Variants in IMMT observed in about 807,000 individuals in gnomAD.
IMMT encodes inner membrane mitochondrial protein, also known as MICOS complex subunit MIC60.
In IMMT, 40 loss-of-function variants were observed where a neutral mutation model predicts 92.7. The observed-to-expected ratio is 0.43, with a 90% confidence interval of 0.34 to 0.56. The LOEUF (loss-of-function observed/expected upper bound fraction) is 0.56. IMMT is among the 20% of genes least tolerant of loss of function. The pLI is 0.03. For missense variants in IMMT, 831 were observed against 912.1 expected (o/e 0.91, Z 1.14); for synonymous variants, 322 against 336.1 (o/e 0.96, Z 0.46).
chr2:86,144,427 T>C lies in IMMT; in HGVS notation c.2118A>G (p.Ala706=). The change falls in exon 15 of 15, where the codon GCA becomes GCG. Residue 706 remains alanine (A), a synonymous_variant. Transcript: ENST00000410111. ...YCIEHGDLEL[A]AKFVNQLKGE... is the part of the protein sequence containing the mutation. ...CCTTCAGCTGATTGACAAACTTTGC[T>C]GCTAGCTCCAGATCACCATGCTCAA... 1 of 1,614,036 alleles carries C rather than the reference T, an allele frequency of 6.2e-7. No homozygotes were observed. The highest frequency in any genetic ancestry group is 1.1e-5 in the South Asian group (1 of 91,082).
chr2:86,149,675 C>T (rs1054067739), intron 12 of IMMT, among the ~76,000 whole-genome samples: 1 of 151,868 alleles, frequency 6.6e-6, no homozygotes, highest in African/African-American at 2.4e-5. Context: ...GTCAGGAGTT[C>T]GAGACCAGCC....
At position 86,195,049 on chromosome 2, in the gene IMMT, G is replaced by A. The variant is rs971304402; in HGVS notation, c.45+289C>T. The A allele has an allele frequency of 8.2e-5, 31 of 379,280 alleles. No homozygotes were observed. In the Middle Eastern group the frequency reaches 2.0e-3, roughly 25 times the overall value. The allele number at this position is 379,280 out of a possible 1,614,324, so 23.5% of individuals were successfully genotyped here. On this transcript the variant is annotated intron_variant, in intron 1 of 14. Coordinates refer to ENST00000410111, the MANE Select transcript of IMMT (RefSeq NM_006839.3). ...CCGGCGACCCAGACGCCAGCAGCCA[G>A]GATTGGTCCTGGACGGGGGCAGCGC...
rs1424488110 is a variant in IMMT, at chr2:86,179,010, G to A, written c.309+423C>T. ...CCGGAGGCGGAGGTTGCGGTGAGGCGAGATCATACCACTATACTCCAGCCT... is the reference window on the plus strand; with the variant it reads ...CCGGAGGCGGAGGTTGCGGTGAGGCAAGATCATACCACTATACTCCAGCCT... On this transcript the variant is annotated intron_variant, in intron 3 of 14. Coordinates refer to ENST00000410111, the MANE Select transcript of IMMT (RefSeq NM_006839.3). Among the ~76,000 whole-genome samples the A allele has an allele frequency of 6.6e-5, 10 of 152,134 alleles. No homozygotes were observed. The East Asian group carries it at 7.7e-4, about 12-fold the overall frequency.
chr2:86,188,770 T>C (rs1672948953), intron 1 of IMMT, among the ~76,000 whole-genome samples: 1 of 152,114 alleles, frequency 6.6e-6, no homozygotes, highest in African/African-American at 2.4e-5. Context: ...TGTTACTGAG[T>C]TGCAGGAGTT....
chr2:86,173,557 G>A, intron 4 of IMMT, 93 bp downstream of exon 4: 1 of 746,444 alleles, frequency 1.3e-6, no homozygotes, highest in South Asian at 1.6e-5. Context: ...TCCAGCCTAG[G>A]CAACAAGAGC....
intron 1 of IMMT, among the ~76,000 whole-genome samples, chr2:86,189,597 C>T (rs538039534): frequency 1.3e-5 from 2 of 152,280 alleles, no homozygotes; most frequent in Admixed American, 1.3e-4. Flanking sequence ...GTAGTATGAG[C>T]TGCCTCATGT....
At chr2:86,178,543 T>G (rs539034186) in intron 3 of IMMT, among the ~76,000 whole-genome samples, 2 of 150,082 alleles carry the variant, frequency 1.3e-5, no homozygotes, top group South Asian at 4.3e-4. Context: ...GGAGAATCGC[T>G]TGAACCCAGG....
At chr2:86,172,344 C>T (rs1203745846) in intron 4 of IMMT, among the ~76,000 whole-genome samples, 2 of 151,238 alleles carry the variant, frequency 1.3e-5, no homozygotes, top group Admixed American at 6.6e-5. Context: ...GCATATGAAA[C>T]AATGTTTTTT....
chr2:86,186,815 T>C (rs941369651), intron 1 of IMMT, among the ~76,000 whole-genome samples: 1 of 152,252 alleles, frequency 6.6e-6, no homozygotes, highest in Admixed American at 6.5e-5. Flanking sequence ...TGGCCTGTTA[T>C]GCAGCTGTAA....
chr2:86,148,850 A>C (rs1675246490), intron 12 of IMMT, among the ~76,000 whole-genome samples: 1 of 142,214 alleles, frequency 7.0e-6, no homozygotes, highest in Non-Finnish European at 1.6e-5. Context: ...ATAATAAATC[A>C]ATGAATCCAT....
At chr2:86,182,539 G>A (rs1173711686) in intron 1 of IMMT, among the ~76,000 whole-genome samples, 1 of 152,196 alleles carries the variant, frequency 6.6e-6, no homozygotes, top group Non-Finnish European at 1.5e-5. Context: ...GTATTAAAAA[G>A]TATTTCAATT....
chr2:86,190,180 C>T (rs1231758933), intron 1 of IMMT, among the ~76,000 whole-genome samples: 1 of 152,168 alleles, frequency 6.6e-6, no homozygotes, highest in Non-Finnish European at 1.5e-5. Context: ...GAAGCAAACA[C>T]CTGGCCGCAT....
At chr2:86,158,945 A>G (rs1475947843) in intron 9 of IMMT, among the ~76,000 whole-genome samples, 1 of 151,972 alleles carries the variant, frequency 6.6e-6, no homozygotes, top group Non-Finnish European at 1.5e-5. Context: ...CCCTCCATAC[A>G]TATCATATAA....
At chr2:86,174,303 T>G (rs1221939713) in intron 3 of IMMT, among the ~76,000 whole-genome samples, 1 of 152,232 alleles carries the variant, frequency 6.6e-6, no homozygotes, top group Non-Finnish European at 1.5e-5. Context: ...ACTATTCATT[T>G]AAGAGGGCTG....
chr2:86,155,408 T>C (rs1473869182), intron 10 of IMMT, among the ~76,000 whole-genome samples: 1 of 152,244 alleles, frequency 6.6e-6, no homozygotes, highest in Admixed American at 6.5e-5. Context: ...AATGAAATCC[T>C]GGCTCTTACC....
At chr2:86,163,666 G>T (rs563062938) in intron 7 of IMMT, among the ~76,000 whole-genome samples, 1 of 152,214 alleles carries the variant, frequency 6.6e-6, no homozygotes, top group South Asian at 2.1e-4. Context: ...TTGTCTTCAT[G>T]TATCGCTTTT....
intron 1 of IMMT, among the ~76,000 whole-genome samples, chr2:86,191,089 T>C (rs1673085739): frequency 6.6e-6 from 1 of 152,144 alleles, no homozygotes; most frequent in South Asian, 2.1e-4. Context: ...CTCACTCCTG[T>C]AATCCCATCA....
intron 1 of IMMT, among the ~76,000 whole-genome samples, chr2:86,194,490 T>C (rs1673392440): frequency 6.6e-6 from 1 of 152,250 alleles, no homozygotes; most frequent in Admixed American, 6.5e-5. Flanking sequence ...TAACTCACTA[T>C]TCCTAGGGAT....
chr2:86,174,657 G>A (rs963618836), intron 3 of IMMT, among the ~76,000 whole-genome samples: 3 of 152,004 alleles, frequency 2.0e-5, no homozygotes, highest in Non-Finnish European at 2.9e-5. Context: ...AAAAGCTCTC[G>A]TATATACACA....
Sources: gnomAD v4.1 joint callset for allele counts (sites outside exome capture counted in the v4.1 genomes callset) on GRCh38, gnomAD v4.1.1 for gene constraint, MANE v1.5 for transcripts, NCBI Gene and HGNC (gene_info 2026-07-23, HGNC 2026-07-21) for gene names.